The following CHD2 variants were observed in gnomAD, a reference collection of about 807,000 sequenced individuals.
CHD2 encodes the protein chromodomain helicase DNA binding protein 2, also known as ATP-dependent chromatin remodeler CHD2.
In CHD2, 28 loss-of-function variants were observed where a neutral mutation model predicts 243.9. That is an observed-to-expected ratio of 0.11 (90% CI 0.09 to 0.16). The LOEUF (loss-of-function observed/expected upper bound fraction) is 0.16, where lower values mean the gene tolerates loss of function less well. Ranked by LOEUF, CHD2 falls within the 10% of genes least tolerant of loss-of-function variation. The pLI is 1.00. For synonymous variants in CHD2, 775 were observed against 779.0 expected (o/e 0.99, Z 0.09); for missense variants, 1,386 against 2,209.8 (o/e 0.63, Z 7.47).
chr15:93,020,575 G>A, intron 38 of CHD2: 1 of 534,776 alleles, frequency 1.9e-6, no homozygotes. Flanking sequence ...AGCCACACTA[G>A]GTATCAGGGA....
rs372066777 is a variant in CHD2 at position 92,955,553 on chromosome 15, C to T, written c.1809+41C>T. 1.3e-5 allele frequency: 17 copies of T among 1,304,624 alleles called. No homozygotes were observed. The Admixed American group carries it at 1.5e-4, about 12-fold the overall frequency. The allele number at this position is 1,304,624 out of a possible 1,614,324, so 80.8% of individuals were successfully genotyped here. ...CTAAAAGGCTAAATCTTTTCCAGTG[C>T]GACTTGTCCAGATGGTAGGGTCTGT... is the stretch of plus-strand genomic sequence containing the variant. On this transcript the variant is annotated intron_variant, in intron 15 of 38. Transcript: ENST00000394196.
In CHD2 at chr15:92,997,073, G is replaced by C. The variant is rs1290146892; in HGVS notation, c.3712G>C (p.Val1238Leu). 4 of 1,609,752 alleles carry C rather than the reference G, an allele frequency of 2.5e-6. No individual in the cohort carries two copies. The highest frequency in any genetic ancestry group is 2.5e-6 in the Non-Finnish European group (3 of 1,178,948). ...EFEMLHKSIP[V>L]DPEEKKKYCL... Reference sequence around the variant, plus strand: ...TGAGATGCTGCATAAATCTATCCCTGTGGACCCTGAAGAAAAAAAAAAGTG... The same window carrying C: ...TGAGATGCTGCATAAATCTATCCCTCTGGACCCTGAAGAAAAAAAAAAGTG... Residue 1238 changes from valine (V) to leucine (L), a missense_variant, in exon 29 of 39, where the codon GTG becomes CTG. This residue lies in a region of CHD2 where 99 missense variants were observed against 176.9 expected (regional missense o/e 0.56). Transcript: ENST00000394196. The surrounding 1 kb of genome is among the most constrained non-coding windows in gnomAD (Gnocchi z 4.1).
Position 92,929,098 on chromosome 15 carries a change from C to A in CHD2, c.443+7C>A. On this transcript the variant is annotated splice_region_variant and intron_variant, in intron 5 of 38. Coordinates refer to ENST00000394196, the MANE Select transcript of CHD2 (RefSeq NM_001271.4). The stretch of plus-strand genomic sequence containing the variant: ...AGAGGCAGCTGAAAAAACAGTAAGT[C>A]TTTCATGGGGGAAATTATTCAATCT... The A allele has an allele frequency of 6.2e-7, 1 of 1,600,098 alleles. No homozygotes were observed. Among genetic ancestry groups the A allele is most frequent in the Non-Finnish European group, 8.5e-7 (1 of 1,171,604 alleles).
At position 92,998,023 on chromosome 15, in the gene CHD2, A is replaced by G. The variant is rs1395468246; in HGVS notation, c.3886-476A>G. Reference sequence around the variant, plus strand: ...ACAGCACCCTGCCTTAAGCACTGAGACCAGATTCAGTCTGGCAAGAGACCC... The same window carrying G: ...ACAGCACCCTGCCTTAAGCACTGAGGCCAGATTCAGTCTGGCAAGAGACCC... On this transcript the variant is annotated intron_variant, in intron 30 of 38. Coordinates refer to ENST00000394196, the MANE Select transcript of CHD2 (RefSeq NM_001271.4). This position sits in a 1 kb window ranked among gnomAD's most constrained non-coding sequence, Gnocchi z 5.1. 3 of 230,026 alleles carry G rather than the reference A, an allele frequency of 1.3e-5. No homozygotes were observed. Among genetic ancestry groups the G allele is most frequent in the Non-Finnish European group, 2.2e-5 (3 of 137,678 alleles). The allele number at this position is 230,026 out of a possible 1,614,324, so 14.2% of individuals were successfully genotyped here. A position where few individuals can be genotyped will look rare whatever the true frequency, so the allele number is the denominator to read the frequency against.
At chr15:93,009,118 T>C (rs1320086208) in intron 34 of CHD2, 27 bp from the exon 35 acceptor site, 4 of 1,609,762 alleles carry the variant, frequency 2.5e-6, no homozygotes, top group South Asian at 1.1e-5. Context: ...AGATTGTTTA[T>C]GTCTTTACTC....
chr15:92,937,343 T>C (rs2053283303), intron 5 of CHD2, among the ~76,000 whole-genome samples, 175 bp from the exon 6 acceptor site: 1 of 152,228 alleles, frequency 6.6e-6, no homozygotes, highest in African/African-American at 2.4e-5. Context: ...ATCGATATTA[T>C]GTAGTCCAGG....
At chr15:92,949,916 G>A (rs574787567) in intron 13 of CHD2, among the ~76,000 whole-genome samples, 40 of 152,308 alleles carry the variant, frequency 2.6e-4, no homozygotes, top group African/African-American at 8.7e-4. Context: ...TTACTGCTGC[G>A]TCCTGTCTCC....
intron 26 of CHD2, among the ~76,000 whole-genome samples, chr15:92,989,435 G>T (rs537002274): frequency 6.6e-6 from 1 of 152,262 alleles, no homozygotes; most frequent in East Asian, 1.9e-4. Flanking sequence ...CCAGCCATGT[G>T]TTGTGTTTGC....
intron 2 of CHD2, among the ~76,000 whole-genome samples, chr15:92,910,689 C>T (rs1261241875): frequency 1.3e-5 from 2 of 152,204 alleles, no homozygotes; most frequent in Non-Finnish European, 2.9e-5. Context: ...AGCCACTGCG[C>T]CTGGTCCCTG....
At chr15:92,976,186 CAG>C (rs764935576) in intron 20 of CHD2, among the ~76,000 whole-genome samples, 2 of 151,760 alleles carry the variant, frequency 1.3e-5, no homozygotes, top group African/African-American at 2.4e-5. Context: ...TGCCCTGTCT[CAG>C]GGGAAAAAAA....
At chr15:92,952,054 T>C (rs2053561045) in intron 13 of CHD2, among the ~76,000 whole-genome samples, 2 of 152,234 alleles carry the variant, frequency 1.3e-5, no homozygotes, top group Admixed American at 1.3e-4. Context: ...TCCAGAACCT[T>C]TTTATAATGT....
At chr15:92,996,863 C>A in intron 28 of CHD2, 94 bp from the exon 29 acceptor site, 1 of 1,235,618 alleles carries the variant, frequency 8.1e-7, no homozygotes, top group Non-Finnish European at 1.1e-6. Context: ...GAGATATATT[C>A]AGAGAGACTA....
intron 2 of CHD2, chr15:92,905,125 A>C: frequency 1.2e-6 from 1 of 828,772 alleles, no homozygotes; most frequent in Admixed American, 2.9e-5. Context: ...TTAGGCAACC[A>C]TTACTATGTA....
chr15:92,981,799 A>T (rs758151381), intron 24 of CHD2, among the ~76,000 whole-genome samples: 1 of 152,212 alleles, frequency 6.6e-6, no homozygotes, highest in Non-Finnish European at 1.5e-5. Context: ...GAGAGGTCAA[A>T]GATAGGAAAA....
chr15:92,924,238 G>A, intron 2 of CHD2, 83 bp from the exon 3 acceptor site: 1 of 1,217,442 alleles, frequency 8.2e-7, no homozygotes, highest in Non-Finnish European at 1.2e-6. Context: ...ATCTGCAAAT[G>A]TTTTACCATG....
chr15:92,946,306 A>G (rs1283423324), intron 12 of CHD2, 90 bp downstream of exon 12: 1 of 1,015,818 alleles, frequency 9.8e-7, no homozygotes. Context: ...ATATTACAAA[A>G]TGAAATGATG....
rs763109251 is a variant in CHD2, at chr15:93,020,018, G to A, written c.4913G>A (p.Gly1638Glu). ...ATTCTTTCTTTTCCTGCAGATCGAG[G>A]AGACTGGCAGAGGGAAAGAAAGTTC... ...NKRHFSNADR[G>E]DWQRERKFNY... The change falls in exon 38 of 39, where the codon GGA (glycine) becomes GAA (glutamate). Residue 1638 changes from glycine to glutamate, a missense_variant. Gly to Glu is a moderately conservative substitution (Grantham distance 98). This residue lies in a region of CHD2 where 347 missense variants were observed against 341.6 expected (regional missense o/e 1.02). Transcript: ENST00000394196. The A allele has an allele frequency of 1.9e-6, 3 of 1,609,350 alleles. No individual in the cohort carries two copies. The highest frequency in any genetic ancestry group is 1.1e-5 in the South Asian group (1 of 91,012).
chr15:92,932,750 C>T (rs553679467), intron 5 of CHD2, among the ~76,000 whole-genome samples: 16 of 152,122 alleles, frequency 1.1e-4, no homozygotes, highest in South Asian at 2.1e-4. Flanking sequence ...TACCCCGTCA[C>T]GATTTGTATT....
At position 92,903,755 on chromosome 15, in the gene CHD2, AGT is replaced by A. The variant is rs959897394; in HGVS notation, c.62+2461_62+2462del. Among the ~76,000 whole-genome samples, 4 of 152,230 alleles carry A rather than the reference AGT, an allele frequency of 2.6e-5. No homozygotes were observed. In the East Asian group the frequency reaches 7.7e-4, roughly 29 times the overall value. ...GGGACTGTGTGCACACAAAGAGTTC[AGT>A]GTGTTCTCCACGGCACCACGTTAGC... On this transcript the variant is annotated intron_variant, in intron 2 of 38. Coordinates refer to ENST00000394196, the MANE Select transcript of CHD2 (RefSeq NM_001271.4).
Sources: allele counts gnomAD v4.1 joint callset (sites outside exome capture counted in the v4.1 genomes callset), GRCh38; gene constraint gnomAD v4.1.1; regional missense constraint gnomAD v4.1.1; non-coding constraint Gnocchi (gnomAD v3.1); transcripts MANE v1.5; gene names NCBI Gene and HGNC (gene_info 2026-07-23, HGNC 2026-07-21).